The following PCDHGA8 variants were observed in gnomAD, a reference collection of about 807,000 sequenced individuals.
The protein encoded by PCDHGA8 is protocadherin gamma-A8.
A neutral mutation model predicts 59.2 loss-of-function variants in PCDHGA8; 45 were observed. That is an observed-to-expected ratio of 0.76 (90% CI 0.60 to 0.98). The LOEUF (loss-of-function observed/expected upper bound fraction) is 0.98. PCDHGA8 is among the 50% of genes least tolerant of loss of function. The pLI is 0.00. For synonymous variants in PCDHGA8, 531 were observed against 519.0 expected (o/e 1.02, Z -0.32); for missense variants, 1,257 against 1,196.2 (o/e 1.05, Z -0.75).
At chr5:141,437,042 A>G (rs1355358776) in intron 1 of PCDHGA8, among the ~76,000 whole-genome samples, 1 of 152,264 alleles carries the variant, frequency 6.6e-6, no homozygotes, top group Non-Finnish European at 1.5e-5. Context: ...CACCGAAACC[A>G]GAAGGCTGGT....
At chr5:141,447,244 A>G (rs1475037979) in intron 1 of PCDHGA8, among the ~76,000 whole-genome samples, 1 of 152,062 alleles carries the variant, frequency 6.6e-6, no homozygotes, top group South Asian at 2.1e-4. Flanking sequence ...GGTTCAAGTG[A>G]TTCTTCTGTC....
In PCDHGA8 at chr5:141,393,381, A is replaced by G; in HGVS notation, c.568A>G (p.Ile190Val). 3 of 1,614,022 alleles carry G rather than the reference A, an allele frequency of 1.9e-6. No individual in the cohort carries two copies. The highest frequency in any genetic ancestry group is 1.1e-5 in the South Asian group (1 of 91,086). The change falls in exon 1 of 4, where the codon ATA becomes GTA. Residue 190 changes from isoleucine to valine, a missense_variant. Coordinates refer to ENST00000398604, the MANE Select transcript of PCDHGA8 (RefSeq NM_032088.2). ...CGTGCAGACTGGAGACAATGGAGCC[A>G]TAAACCCAGAGCTGGTGCTGGAGCG... Reference protein sequence around the residue: ...LDVQTGDNGAINPELVLERAL... With the variant: ...LDVQTGDNGAVNPELVLERAL...
intron 1 of PCDHGA8, chr5:141,400,037 G>T (rs778871485): frequency 3.1e-6 from 5 of 1,613,132 alleles, no homozygotes; most frequent in Admixed American, 1.7e-5. Flanking sequence ...GCCCGCCAGC[G>T]CCTGCTGGTT....
At chr5:141,405,156 T>C in intron 1 of PCDHGA8, 1 of 1,614,042 alleles carries the variant, frequency 6.2e-7, no homozygotes, top group Non-Finnish European at 8.5e-7. Flanking sequence ...TTGGCTGGTG[T>C]GCCCACCTCA....
intron 1 of PCDHGA8, chr5:141,415,153 G>T: frequency 2.5e-6 from 4 of 1,613,780 alleles, no homozygotes; most frequent in Non-Finnish European, 3.4e-6. Context: ...CCCTCTCTCC[G>T]CCACTGTCAC....
In PCDHGA8 at chr5:141,392,758, A is replaced by G. The variant is rs1589161304; in HGVS notation, c.-56A>G. On this transcript the variant is annotated 5_prime_UTR_variant, in exon 1 of 4. Coordinates refer to ENST00000398604, the MANE Select transcript of PCDHGA8 (RefSeq NM_032088.2). The stretch of plus-strand genomic sequence containing the variant: ...CTCCATAGCTGCGGCAAGAAACTAA[A>G]TAAGACCCATTTATGCACAGTGAAG... The G allele has an allele frequency of 1.4e-6, 2 of 1,472,462 alleles. No individual in the cohort carries two copies. Among genetic ancestry groups the G allele is most frequent in the Non-Finnish European group, 1.8e-6 (2 of 1,111,946 alleles). The allele number at this position is 1,472,462 out of a possible 1,614,324, so 91.2% of individuals were successfully genotyped here.
At chr5:141,419,315 C>T in intron 1 of PCDHGA8, 1 of 1,613,998 alleles carries the variant, frequency 6.2e-7, no homozygotes. Flanking sequence ...GCTCAACGGC[C>T]GTGTCTCCTA....
At chr5:141,426,374 C>G (rs908991939) in intron 1 of PCDHGA8, 2 of 219,094 alleles carry the variant, frequency 9.1e-6, no homozygotes, top group East Asian at 1.0e-4. Flanking sequence ...GGGGCACCCT[C>G]GGAGCAGATC....
At chr5:141,426,052 G>T (rs2096912121) in intron 1 of PCDHGA8, among the ~76,000 whole-genome samples, 1 of 152,162 alleles carries the variant, frequency 6.6e-6, no homozygotes, top group South Asian at 2.1e-4. Flanking sequence ...TGGCCAATGT[G>T]CTGCAAGAAC....
intron 1 of PCDHGA8, chr5:141,416,744 A>G (rs1480936949): frequency 2.0e-5 from 3 of 152,210 alleles, no homozygotes; most frequent in Non-Finnish European, 4.4e-5. Context: ...GAAAATAGTG[A>G]CGTATTAGGT....
rs752147264 is a variant in PCDHGA8, at chr5:141,398,602, G to C, written c.2424+3365G>C. 8 of 1,613,936 alleles carry C rather than the reference G, an allele frequency of 5.0e-6. No individual in the cohort carries two copies. The East Asian group carries it at 1.6e-4, about 31-fold the overall frequency. On this transcript the variant is annotated intron_variant, in intron 1 of 3. Transcript: ENST00000398604. ...AAGATTTATACTAGAAGTAGCAGAA[G>C]ATGCAGATATTGGCTTAAACTCTCT...
chr5:141,438,597 T>C (rs1343540280), intron 1 of PCDHGA8, among the ~76,000 whole-genome samples: 20 of 38,918 alleles, frequency 5.1e-4, no homozygotes, highest in African/African-American at 1.6e-3. Flanking sequence ...CATACATATA[T>C]ATATATATAT....
intron 1 of PCDHGA8, chr5:141,409,921 G>T (rs767370997): frequency 6.2e-7 from 1 of 1,613,404 alleles, no homozygotes; most frequent in Admixed American, 1.7e-5. Context: ...ACGGCTCCGC[G>T]TTCTTCGATA....
At chr5:141,466,898 A>G (rs1029507733) in intron 1 of PCDHGA8, among the ~76,000 whole-genome samples, 1 of 152,170 alleles carries the variant, frequency 6.6e-6, no homozygotes, top group African/African-American at 2.4e-5. Context: ...TTTTCCATGA[A>G]GTTTTTGAAA....
At chr5:141,430,915 G>A (rs565034370) in intron 1 of PCDHGA8, 2 of 1,607,738 alleles carry the variant, frequency 1.2e-6, no homozygotes, top group East Asian at 4.5e-5. Context: ...CCAGGGACCT[G>A]GGGCTGGAGC....
Position 141,485,609 on chromosome 5 carries a change from G to C in PCDHGA8, c.2425-9198G>C, listed in dbSNP as rs1432367043. On this transcript the variant is annotated intron_variant, in intron 1 of 3. Coordinates refer to ENST00000398604, the MANE Select transcript of PCDHGA8 (RefSeq NM_032088.2). The surrounding 1 kb of genome is among the most constrained non-coding windows in gnomAD (Gnocchi z 5.7). ...GCTGGACTTGGAAATTGGGGAGGCA[G>C]CTCCTCCAGGACAGCGTTTCCCGTT... The C allele has an allele frequency of 1.2e-6, 2 of 1,612,138 alleles. No homozygotes were observed. Among genetic ancestry groups the C allele is most frequent in the Non-Finnish European group, 1.7e-6 (2 of 1,178,664 alleles).
Position 141,393,086 on chromosome 5 carries a change from T to C in PCDHGA8, c.273T>C (p.Asp91=), listed in dbSNP as rs533530561. The C allele has an allele frequency of 6.2e-7, 1 of 1,613,614 alleles. No homozygotes were observed. The highest frequency in any genetic ancestry group is 8.5e-7 in the Non-Finnish European group (1 of 1,179,880). ...GCTTGATCACCGCGGGCAGGATAGATCGGGAGGAGCTCTGCGCTCAGAGCC... is the reference window on the plus strand; with the variant it reads ...GCTTGATCACCGCGGGCAGGATAGACCGGGAGGAGCTCTGCGCTCAGAGCC... ...SGSLITAGRI[D]REELCAQSPR... is the part of the protein sequence containing the mutation. The change falls in exon 1 of 4, where the codon GAT becomes GAC. Residue 91 remains aspartate, a synonymous_variant. Coordinates refer to ENST00000398604, the MANE Select transcript of PCDHGA8 (RefSeq NM_032088.2).
chr5:141,443,650 CA>C (rs2098397782), intron 1 of PCDHGA8, among the ~76,000 whole-genome samples: 1 of 152,150 alleles, frequency 6.6e-6, no homozygotes. Flanking sequence ...ATAATGTTAG[CA>C]TAGCATTTTA....
chr5:141,423,865 T>G, intron 1 of PCDHGA8: 1 of 1,285,992 alleles, frequency 7.8e-7, no homozygotes, highest in Non-Finnish European at 9.9e-7. Flanking sequence ...TTTGTGAAAG[T>G]CATTTTTCAA....
Sources: gnomAD v4.1 joint callset for allele counts (sites outside exome capture counted in the v4.1 genomes callset) on GRCh38, gnomAD v4.1.1 for gene constraint, Gnocchi (gnomAD v3.1) non-coding constraint, MANE v1.5 for transcripts, NCBI Gene and HGNC (gene_info 2026-07-23, HGNC 2026-07-21) for gene names.